Variants in PDE1A observed in about 807,000 individuals in gnomAD.
The protein encoded by PDE1A is dual specificity calcium/calmodulin-dependent 3',5'-cyclic nucleotide phosphodiesterase 1A.
A neutral mutation model predicts 61.7 loss-of-function variants in PDE1A; 35 were observed. The ratio of observed to expected loss-of-function variants is 0.57; its 90% confidence interval spans 0.43 to 0.75. The LOEUF is 0.75. PDE1A is among the 30% of genes least tolerant of loss of function. The probability of loss-of-function intolerance (pLI) is 0.00; values close to 1 mark genes in which losing one functional copy is unlikely to be tolerated. For missense variants in PDE1A, 597 were observed against 630.6 expected (o/e 0.95, Z 0.57); for synonymous variants, 232 against 213.2 (o/e 1.09, Z -0.77).
intron 2 of PDE1A, among the ~76,000 whole-genome samples, chr2:182,477,179 A>G (rs1485677038): frequency 1.3e-5 from 2 of 151,938 alleles, no homozygotes; most frequent in African/African-American, 4.8e-5. Flanking sequence ...GAGAACCTAT[A>G]GCAGTAAGTG....
intron 2 of PDE1A, among the ~76,000 whole-genome samples, chr2:182,253,217 C>T (rs1322100843): frequency 6.6e-6 from 1 of 152,218 alleles, no homozygotes; most frequent in African/African-American, 2.4e-5. Flanking sequence ...CAAGTCCAAC[C>T]TACCTGGCTG....
the PDE1A span, among the ~76,000 whole-genome samples, chr2:182,604,144 G>C: frequency 1.3e-5 from 2 of 151,982 alleles, no homozygotes; most frequent in Non-Finnish European, 2.9e-5. Context: ...AATTATATCT[G>C]AAAGAAATTA....
intron 1 of PDE1A, among the ~76,000 whole-genome samples, chr2:182,425,539 T>G (rs1409522355): frequency 6.6e-6 from 1 of 152,192 alleles, no homozygotes; most frequent in African/African-American, 2.4e-5. Context: ...ACATCTTGTT[T>G]TAAGCATTAC....
downstream of PDE1A, among the ~76,000 whole-genome samples, chr2:182,164,121 C>T (rs1170218244): frequency 6.6e-6 from 1 of 152,128 alleles, no homozygotes; most frequent in Non-Finnish European, 1.5e-5. Flanking sequence ...GCCCATTAAG[C>T]CATAAAGTTG....
chr2:182,690,292 C>CAATA, the PDE1A span, among the ~76,000 whole-genome samples: 50 of 152,260 alleles, frequency 3.3e-4, no homozygotes, highest in Admixed American at 6.5e-4. Context: ...AAAATACTGG[C>CAATA]AAATGGAATC....
At chr2:182,460,502 T>C (rs1686212061) in intron 2 of PDE1A, among the ~76,000 whole-genome samples, 1 of 152,134 alleles carries the variant, frequency 6.6e-6, no homozygotes, top group Admixed American at 6.6e-5. Flanking sequence ...GCCTCCCAAG[T>C]ATCTGAGACT....
intron 2 of PDE1A, among the ~76,000 whole-genome samples, chr2:182,520,034 G>T (rs989899681): frequency 6.6e-6 from 1 of 151,876 alleles, no homozygotes; most frequent in African/African-American, 2.4e-5. Flanking sequence ...TGAGTAGCAT[G>T]ATTTTAATTG....
exon 14 of PDE1A, chr2:182,167,987 T>A: frequency 1.7e-6 from 2 of 1,206,744 alleles, no homozygotes; most frequent in Non-Finnish European, 2.1e-6. Flanking sequence ...TGCCACAAAA[T>A]GCCATTGAAA....
At chr2:182,280,584 T>C (rs1693736458) in intron 1 of PDE1A, among the ~76,000 whole-genome samples, 1 of 151,996 alleles carries the variant, frequency 6.6e-6, no homozygotes, top group East Asian at 1.9e-4. Context: ...TAAAGGCTTT[T>C]CTTCATTTCT....
chr2:182,510,993 A>T lies in PDE1A; in HGVS notation c.101+11283T>A, dbSNP rs182028681. On this transcript the variant is annotated intron_variant, in intron 2 of 14. Coordinates refer to the PDE1A transcript ENST00000410103. ...TGATAAGAAAAGTACATGAAAATAT[A>T]TAGAATTGTGTTTCTGCATTTAATA... Among the ~76,000 whole-genome samples, 12 of 152,332 alleles carry T rather than the reference A, an allele frequency of 7.9e-5. No individual in the cohort carries two copies. In the East Asian group the frequency reaches 2.3e-3, roughly 29 times the overall value.
At chr2:182,167,980 C>T (rs767864309) in exon 14 of PDE1A, 13 of 1,199,952 alleles carry the variant, frequency 1.1e-5, no homozygotes, top group Non-Finnish European at 1.3e-5. Context: ...AGACAAATGC[C>T]ACAAAATGCC....
chr2:182,644,954 C>T, the PDE1A span, among the ~76,000 whole-genome samples: 2 of 150,558 alleles, frequency 1.3e-5, no homozygotes, highest in African/African-American at 4.9e-5. Context: ...TTAATTATTT[C>T]TGCTTCCTCA....
chr2:182,144,178 C>T (rs1690372653), downstream of PDE1A, among the ~76,000 whole-genome samples: 1 of 152,202 alleles, frequency 6.6e-6, no homozygotes, highest in African/African-American at 2.4e-5. Flanking sequence ...GCACACTCAA[C>T]GTTAAAGAGT....
rs147721071 is a variant in PDE1A at position 182,482,505 on chromosome 2, C to A, written c.101+39771G>T. Among the ~76,000 whole-genome samples the A allele has an allele frequency of 9.5e-3, 1,443 of 151,724 alleles. 18 individuals carry two copies. Among genetic ancestry groups the A allele is most frequent in the African/African-American group, 0.033 (1,356 of 41,406 alleles). ...AAGGAGTAAAAGGATCACAAACAGT[C>A]TCCACAAAAAAAAAATGAAAATAGC... On this transcript the variant is annotated intron_variant, in intron 2 of 14. Transcript: ENST00000410103.
the PDE1A span, among the ~76,000 whole-genome samples, chr2:182,575,881 TTATATA>T: frequency 6.8e-6 from 1 of 146,398 alleles, no homozygotes; most frequent in African/African-American, 2.5e-5. Flanking sequence ...AGTTAATACT[TTATATA>T]TATATAAAGT....
chr2:182,517,317 A>G (rs1259220872), intron 2 of PDE1A, among the ~76,000 whole-genome samples: 1 of 152,212 alleles, frequency 6.6e-6, no homozygotes, highest in African/African-American at 2.4e-5. Context: ...AAGATGATAA[A>G]GCAAACACCC....
chr2:182,167,699 A>G (rs1356415879), downstream of PDE1A, among the ~76,000 whole-genome samples: 4 of 152,022 alleles, frequency 2.6e-5, no homozygotes, highest in South Asian at 2.1e-4. Context: ...TCACCTTTCT[A>G]CTATTTGGAC....
chr2:182,592,835 ATC>A, the PDE1A span, among the ~76,000 whole-genome samples: 1 of 152,218 alleles, frequency 6.6e-6, no homozygotes, highest in African/African-American at 2.4e-5. Context: ...CAAAACAGAC[ATC>A]TCTTTCACAC....
chr2:182,404,262 G>C (rs1488301144), intron 1 of PDE1A, among the ~76,000 whole-genome samples: 1 of 152,118 alleles, frequency 6.6e-6, no homozygotes, highest in African/African-American at 2.4e-5. Context: ...ATCACTATAG[G>C]AAATGGATGA....
Sources: gnomAD v4.1 joint callset for allele counts (sites outside exome capture counted in the v4.1 genomes callset) on GRCh38, gnomAD v4.1.1 for gene constraint, MANE v1.5 for transcripts, NCBI Gene and HGNC (gene_info 2026-07-23, HGNC 2026-07-21) for gene names.